The following TAPT1 variants were observed in gnomAD, a reference collection of about 807,000 sequenced individuals.
TAPT1 encodes transmembrane anterior posterior transformation 1.
In TAPT1, 28 loss-of-function variants were observed where a neutral mutation model predicts 65.6. That is an observed-to-expected ratio of 0.43 (90% confidence interval 0.32 to 0.59). The LOEUF is 0.59. Among genes scored for constraint, TAPT1 ranks in the 20% least tolerant of loss-of-function variants. TAPT1 has a pLI of 0.09. For missense variants in TAPT1, 563 were observed against 679.9 expected, an observed-to-expected ratio of 0.83 and a Z score of 1.91; for synonymous variants, 278 against 245.2, an observed-to-expected ratio of 1.13 and a Z score of -1.25.
In TAPT1 at chr4:16,162,476, A is replaced by C. The variant is rs1747317759; in HGVS notation, c.*832T>G. ...TCCTTTTAGCTGTAATAATTTATGA[A>C]GTAATTAGTTTTAAAGCAAAATCAG... is the stretch of plus-strand genomic sequence containing the variant. On this transcript the variant is annotated 3_prime_UTR_variant, in exon 14 of 14. Transcript: ENST00000405303. 1 of 152,820 alleles carries C rather than the reference A, an allele frequency of 6.5e-6. No individual in the cohort carries two copies. Among genetic ancestry groups the C allele is most frequent in the Admixed American group, 6.5e-5 (1 of 15,286 alleles). 9.5% of individuals were successfully genotyped at this position (152,820 alleles called of 1,614,324 possible).
At chr4:16,192,245 T>C (rs1408577068) in intron 3 of TAPT1, among the ~76,000 whole-genome samples, 1 of 152,248 alleles carries the variant, frequency 6.6e-6, no homozygotes, top group Non-Finnish European at 1.5e-5. Flanking sequence ...AGAAAGCCTG[T>C]AGCCCAGGGC....
chr4:16,166,870 TAAG>T lies in TAPT1; in HGVS notation c.1314-80_1314-78del. 2.8e-6 allele frequency: 4 copies of T among 1,434,150 alleles called. No homozygotes were observed. The Admixed American group carries it at 5.3e-5, about 19-fold the overall frequency. 88.8% of individuals were successfully genotyped at this position (1,434,150 alleles called of 1,614,324 possible). Reference sequence around the variant, plus strand: ...TGTGAATGCCATCTACTACCATGGCTAAGGAGAAGGTGGGGGGGCATGGGACGG... The same window carrying T: ...TGTGAATGCCATCTACTACCATGGCTGAGAAGGTGGGGGGGCATGGGACGG... On this transcript the variant is annotated intron_variant, in intron 12 of 13. Transcript: ENST00000405303.
At chr4:16,183,164 C>T (rs1047292310) in intron 7 of TAPT1, 1 of 152,072 alleles carries the variant, frequency 6.6e-6, no homozygotes, top group Non-Finnish European at 1.5e-5. Flanking sequence ...AATAGCTGAA[C>T]GTTGCCTAGA....
In TAPT1 at chr4:16,172,886, G is replaced by A. The variant is rs555723162; in HGVS notation, c.1236+1318C>T. Among the ~76,000 whole-genome samples, 7 of 151,894 alleles carry A rather than the reference G, an allele frequency of 4.6e-5. No homozygotes were observed. In the South Asian group the frequency reaches 6.3e-4, roughly 14 times the overall value. On this transcript the variant is annotated intron_variant, in intron 11 of 13. Coordinates refer to ENST00000405303, the MANE Select transcript of TAPT1 (RefSeq NM_153365.3). ...GTTGCCTAGGCTGGAGGGCAGTGACGCGATCTCGGCTTACTGCAACCTTCC... is the reference window on the plus strand; with the variant it reads ...GTTGCCTAGGCTGGAGGGCAGTGACACGATCTCGGCTTACTGCAACCTTCC...
chr4:16,161,269 T>C lies in TAPT1; in HGVS notation c.*2039A>G, dbSNP rs546043110. 3.9e-5 allele frequency: 6 copies of C among 152,692 alleles called. No individual in the cohort carries two copies. Among genetic ancestry groups the C allele is most frequent in the African/African-American group, 1.4e-4 (6 of 41,560 alleles). 9.5% of individuals were successfully genotyped at this position (152,692 alleles called of 1,614,324 possible). On this transcript the variant is annotated 3_prime_UTR_variant, in exon 14 of 14. Transcript: ENST00000405303. Reference sequence around the variant, plus strand: ...TCACTCTACCAAATACAATAGTAAATATTAAAATAAATTCAGTGACCTTTT... The same window carrying C: ...TCACTCTACCAAATACAATAGTAAACATTAAAATAAATTCAGTGACCTTTT...
intron 11 of TAPT1, among the ~76,000 whole-genome samples, chr4:16,172,114 T>C (rs764410156): frequency 4.1e-4 from 62 of 152,302 alleles, no homozygotes; most frequent in Non-Finnish European, 8.1e-4. Flanking sequence ...TATGACCCCC[T>C]TTCAGCACAC....
At chr4:16,207,386 T>A (rs1347574797) in intron 2 of TAPT1, among the ~76,000 whole-genome samples, 2 of 152,238 alleles carry the variant, frequency 1.3e-5, no homozygotes, top group Admixed American at 6.5e-5. Flanking sequence ...AAAGGCTTTA[T>A]ATGACATTTG....
chr4:16,215,657 C>T (rs1238360203), intron 1 of TAPT1, among the ~76,000 whole-genome samples: 2 of 152,182 alleles, frequency 1.3e-5, no homozygotes, highest in East Asian at 1.9e-4. Flanking sequence ...ATGTGTCGTA[C>T]TTTCTCTTTT....
At chr4:16,189,435 G>T (rs181168272) in intron 4 of TAPT1, among the ~76,000 whole-genome samples, 1 of 152,328 alleles carries the variant, frequency 6.6e-6, no homozygotes, top group East Asian at 1.9e-4. Flanking sequence ...TGCAGCAAGT[G>T]CCAACTAAAG....
chr4:16,203,939 C>T (rs147831362), intron 2 of TAPT1, among the ~76,000 whole-genome samples: 108 of 152,204 alleles, frequency 7.1e-4, no homozygotes, highest in African/African-American at 2.5e-3. Context: ...AATTTAGACT[C>T]ATTATGAACA....
Position 16,186,558 on chromosome 4 carries a change from T to A in TAPT1, c.893A>T (p.Asn298Ile). Residue 298 changes from asparagine to isoleucine, a missense_variant, in exon 7 of 14, where the codon AAT becomes ATT. Physicochemically the swap from Asn to Ile is moderately radical, Grantham distance 149. This residue lies in a region of TAPT1 where 217 missense variants were observed against 317.5 expected (regional missense o/e 0.68). Coordinates refer to ENST00000405303, the MANE Select transcript of TAPT1 (RefSeq NM_153365.3). ...GSVFKKFEKNNLFQMSNSDIK... is the reference protein window; with the variant it reads ...GSVFKKFEKNILFQMSNSDIK... ...ACCGCTATTTGACATTTGAAAGAGA[T>A]TGTTCTTTTCAAACTTCTTGAAAAC... The A allele has an allele frequency of 6.5e-7, 1 of 1,533,812 alleles. No homozygotes were observed. The highest frequency in any genetic ancestry group is 8.9e-7 in the Non-Finnish European group (1 of 1,129,890).
Position 16,163,414 on chromosome 4 carries a change from T to C in TAPT1, c.1598A>G (p.Asp533Gly). 2 of 1,613,974 alleles carry C rather than the reference T, an allele frequency of 1.2e-6. No homozygotes were observed. Among genetic ancestry groups the C allele is most frequent in the Non-Finnish European group, 1.7e-6 (2 of 1,179,872 alleles). Reference sequence around the variant, plus strand: ...ATTGTCCTGCGTTATGTCCTTCTCGTCACCATCTGGAGTTGTCAAAAACTG... The same window carrying C: ...ATTGTCCTGCGTTATGTCCTTCTCGCCACCATCTGGAGTTGTCAAAAACTG... ...SDQFLTTPDG[D>G]EKDITQDNSE... is the part of the protein sequence containing the mutation. Residue 533 changes from aspartate to glycine, a missense_variant, in exon 14 of 14, where the codon GAC (aspartate) becomes GGC (glycine). By Grantham distance (94) the Asp-to-Gly change is moderately conservative. This residue lies in a region of TAPT1 where 136 missense variants were observed against 153.9 expected (regional missense o/e 0.88). Transcript: ENST00000405303.
At chr4:16,172,521 TC>T (rs139727222) in intron 11 of TAPT1, among the ~76,000 whole-genome samples, 18,968 of 152,146 alleles carry the variant, frequency 0.12, 1,453 homozygotes, top group African/African-American at 0.21. Flanking sequence ...TTTCCAAAAT[TC>T]TAGGAGTTCC....
intron 3 of TAPT1, among the ~76,000 whole-genome samples, chr4:16,193,422 A>C (rs567180465): frequency 6.6e-6 from 1 of 152,156 alleles, no homozygotes; most frequent in East Asian, 1.9e-4. Context: ...CTTTTATCCA[A>C]TGATGTTCCT....
chr4:16,202,420 G>C (rs1413020902), intron 3 of TAPT1, 42 bp downstream of exon 3: 2 of 1,180,498 alleles, frequency 1.7e-6, no homozygotes, highest in Non-Finnish European at 2.4e-6. Flanking sequence ...TAAAAATAAT[G>C]AAATACTATA....
Position 16,163,266 on chromosome 4 carries a change from T to C in TAPT1, c.*42A>G. 2 of 1,452,744 alleles carry C rather than the reference T, an allele frequency of 1.4e-6. No homozygotes were observed. The highest frequency in any genetic ancestry group is 1.1e-5 in the South Asian group (1 of 87,242). 90.0% of individuals were successfully genotyped at this position (1,452,744 alleles called of 1,614,324 possible). ...ATTTGTCCTGGCAACACAGCACTTGTTGCCCCAGGACCCAGCTTCTTCAGC... is the reference window on the plus strand; with the variant it reads ...ATTTGTCCTGGCAACACAGCACTTGCTGCCCCAGGACCCAGCTTCTTCAGC... On this transcript the variant is annotated 3_prime_UTR_variant, in exon 14 of 14. Coordinates refer to ENST00000405303, the MANE Select transcript of TAPT1 (RefSeq NM_153365.3).
chr4:16,193,637 T>TA (rs1185168397), intron 3 of TAPT1, among the ~76,000 whole-genome samples: 3 of 152,192 alleles, frequency 2.0e-5, no homozygotes, highest in Non-Finnish European at 2.9e-5. Flanking sequence ...CTTGATCACT[T>TA]AAACATATTT....
In TAPT1 at chr4:16,204,653, C is replaced by T. The variant is rs568188558; in HGVS notation, c.331-2073G>A. ...TTCTACAGGTTCTGGGCAACGCAAC[C>T]GGGCACTGGCCAGGTGCTGGGCTTG... On this transcript the variant is annotated intron_variant, in intron 2 of 13. Coordinates refer to ENST00000405303, the MANE Select transcript of TAPT1 (RefSeq NM_153365.3). Among the ~76,000 whole-genome samples the T allele has an allele frequency of 5.9e-5, 9 of 152,332 alleles. No homozygotes were observed. In the South Asian group the frequency reaches 1.7e-3, roughly 28 times the overall value.
At chr4:16,164,666 A>G (rs1236483635) in intron 13 of TAPT1, among the ~76,000 whole-genome samples, 4 of 152,166 alleles carry the variant, frequency 2.6e-5, no homozygotes, top group Admixed American at 2.6e-4. Flanking sequence ...CCTGGGCTCA[A>G]GCGCTGCTTC....
Sources: allele counts gnomAD v4.1 joint callset (sites outside exome capture counted in the v4.1 genomes callset), GRCh38; gene constraint gnomAD v4.1.1; regional missense constraint gnomAD v4.1.1; transcripts MANE v1.5; gene names NCBI Gene and HGNC (gene_info 2026-07-23, HGNC 2026-07-21).